Variants in IL1RAPL1 observed in about 807,000 individuals in gnomAD.
The protein encoded by IL1RAPL1 is interleukin-1 receptor accessory protein-like 1.
In IL1RAPL1, 3 loss-of-function variants were observed where a neutral mutation model predicts 48.4. The observed-to-expected ratio is 0.06, with a 90% confidence interval of 0.03 to 0.16. The LOEUF (loss-of-function observed/expected upper bound fraction) is 0.16, where lower values mean the gene tolerates loss of function less well. IL1RAPL1 is among the 10% of genes least tolerant of loss of function. The pLI is 1.00. For missense variants in IL1RAPL1, 349 were observed against 530.6 expected (o/e 0.66, Z 3.36); for synonymous variants, 185 against 187.7 (o/e 0.99, Z 0.12).
chrX:29,238,115 C>T lies in IL1RAPL1; in HGVS notation c.83-44823C>T, dbSNP rs747110808. Among the ~76,000 whole-genome samples, 91 of 111,047 alleles carry T rather than the reference C, an allele frequency of 8.2e-4. 1 individual carries two copies. The highest frequency in any genetic ancestry group is 1.2e-3 in the Non-Finnish European group (61 of 52,997). ...GATTTGTCAGCAAGCTGTGTTTTCT[C>T]GGTATGGTAGATCTCTATTGCTCAT... On this transcript the variant is annotated intron_variant, in intron 2 of 10. Transcript: ENST00000378993.
chrX:28,735,649 G>A (rs931360726), intron 1 of IL1RAPL1, among the ~76,000 whole-genome samples: 11 of 109,665 alleles, frequency 1.0e-4, no homozygotes, highest in Admixed American at 5.0e-4. Flanking sequence ...ACACACAACC[G>A]TAGTCCTAGC....
rs188357466 is a variant in IL1RAPL1 at position 29,400,834 on chromosome X, G to A, written c.703+1526G>A. Among the ~76,000 whole-genome samples the A allele has an allele frequency of 3.2e-3, 359 of 111,705 alleles. 1 individual carries two copies. Among genetic ancestry groups the A allele is most frequent in the African/African-American group, 0.011 (345 of 30,743 alleles). On this transcript the variant is annotated intron_variant, in intron 5 of 10. Transcript: ENST00000378993. ...GTGGTTTTTCAACCAGTAGTATTGA[G>A]GCAAAGGAATTTAAAAATATAAAGT...
intron 6 of IL1RAPL1, among the ~76,000 whole-genome samples, chrX:29,870,587 A>G (rs749117324): frequency 9.0e-5 from 10 of 111,485 alleles, no homozygotes; most frequent in Non-Finnish European, 1.9e-4. Flanking sequence ...CCTCCTAATT[A>G]CAACTCACTG....
intron 7 of IL1RAPL1, among the ~76,000 whole-genome samples, chrX:29,919,319 G>A (rs1252323547): frequency 8.9e-6 from 1 of 112,200 alleles, no homozygotes; most frequent in African/African-American, 3.2e-5. Context: ...GTTCAGGGAA[G>A]TTTCTAGAAA....
intron 2 of IL1RAPL1, among the ~76,000 whole-genome samples, chrX:28,969,934 T>TATGTTTCTAAACACATATAC: frequency 9.0e-6 from 1 of 111,422 alleles, no homozygotes; most frequent in Non-Finnish European, 1.9e-5. Flanking sequence ...AACACATATA[T>TATGTTTCTAAACACATATAC]ATGTTTCTAA....
At chrX:28,765,485 A>T (rs1936225135) in intron 1 of IL1RAPL1, among the ~76,000 whole-genome samples, 1 of 111,401 alleles carries the variant, frequency 9.0e-6, no homozygotes, top group African/African-American at 3.3e-5. Context: ...TCTTTATGAA[A>T]AAATTTAAGG....
At chrX:29,387,380 T>A (rs1933792476) in intron 3 of IL1RAPL1, among the ~76,000 whole-genome samples, 1 of 112,495 alleles carries the variant, frequency 8.9e-6, no homozygotes, top group South Asian at 3.7e-4. Flanking sequence ...TGTCACTTTT[T>A]ATACGAAACT....
At chrX:29,260,602 G>T (rs1931837540) in intron 2 of IL1RAPL1, among the ~76,000 whole-genome samples, 1 of 111,811 alleles carries the variant, frequency 8.9e-6, no homozygotes, top group East Asian at 2.8e-4. Flanking sequence ...TTCAAGGTGA[G>T]ATTTGAGTGG....
At chrX:29,300,747 T>G (rs1213968879) in intron 3 of IL1RAPL1, among the ~76,000 whole-genome samples, 1 of 112,198 alleles carries the variant, frequency 8.9e-6, no homozygotes, top group Non-Finnish European at 1.9e-5. Context: ...AAGTGGCGTT[T>G]CCAAGGAATT....
At chrX:29,053,563 C>A (rs1275899023) in intron 2 of IL1RAPL1, among the ~76,000 whole-genome samples, 1 of 111,642 alleles carries the variant, frequency 9.0e-6, no homozygotes, top group African/African-American at 3.3e-5. Context: ...AATAACAGCA[C>A]CTGTTGAGTT....
intron 2 of IL1RAPL1, among the ~76,000 whole-genome samples, chrX:29,088,691 A>G (rs942901073): frequency 1.4e-4 from 15 of 108,536 alleles, no homozygotes; most frequent in East Asian, 5.7e-4. Flanking sequence ...AAAAAAAAAA[A>G]AAAAGAAAAG....
intron 1 of IL1RAPL1, among the ~76,000 whole-genome samples, chrX:28,616,376 T>C (rs910050655): frequency 1.8e-5 from 2 of 112,268 alleles, no homozygotes; most frequent in Non-Finnish European, 3.8e-5. Context: ...GATTTGTTAT[T>C]TTCTAGAATT....
intron 2 of IL1RAPL1, among the ~76,000 whole-genome samples, chrX:29,132,672 A>G (rs1929046031): frequency 1.8e-5 from 2 of 111,625 alleles, no homozygotes; most frequent in Non-Finnish European, 3.8e-5. Flanking sequence ...GCTTATTTTT[A>G]TCTTGTGGAC....
At chrX:28,957,983 T>G (rs1924661303) in intron 2 of IL1RAPL1, among the ~76,000 whole-genome samples, 1 of 110,424 alleles carries the variant, frequency 9.1e-6, no homozygotes, top group South Asian at 3.8e-4. Flanking sequence ...AAATAAAATA[T>G]TATTTATTTA....
At chrX:29,766,494 T>C (rs1489031556) in intron 6 of IL1RAPL1, among the ~76,000 whole-genome samples, 2 of 96,299 alleles carry the variant, frequency 2.1e-5, no homozygotes, top group African/African-American at 7.6e-5. Context: ...TATATATATT[T>C]ATATATATAT....
At chrX:29,496,771 G>T (rs1220418595) in intron 5 of IL1RAPL1, among the ~76,000 whole-genome samples, 1 of 111,183 alleles carries the variant, frequency 9.0e-6, no homozygotes, top group African/African-American at 3.3e-5. Flanking sequence ...ACTTTTATTG[G>T]GAAAATGCTA....
chrX:29,005,446 T>C (rs1925955099), intron 2 of IL1RAPL1, among the ~76,000 whole-genome samples: 1 of 112,059 alleles, frequency 8.9e-6, no homozygotes. Context: ...GATTTGAAAT[T>C]ATTGGAAATC....
chrX:28,721,850 G>T (rs1313521197), intron 1 of IL1RAPL1, among the ~76,000 whole-genome samples: 1 of 111,119 alleles, frequency 9.0e-6, no homozygotes, highest in South Asian at 3.8e-4. Flanking sequence ...ATTAAATAGG[G>T]AATCCTTTCC....
intron 6 of IL1RAPL1, among the ~76,000 whole-genome samples, chrX:29,793,731 G>C (rs1175403834): frequency 8.9e-6 from 1 of 112,063 alleles, no homozygotes; most frequent in Non-Finnish European, 1.9e-5. Flanking sequence ...GTGAATAAAT[G>C]CAATATTGGA....
Sources: allele counts gnomAD v4.1 joint callset (sites outside exome capture counted in the v4.1 genomes callset), GRCh38; gene constraint gnomAD v4.1.1; transcripts MANE v1.5; gene names NCBI Gene and HGNC (gene_info 2026-07-23, HGNC 2026-07-21).